Variants in SMC2 observed in about 807,000 individuals in gnomAD.
SMC2 encodes the protein structural maintenance of chromosomes protein 2.
A neutral mutation model predicts 142.6 loss-of-function variants in SMC2; 41 were observed. That is an observed-to-expected ratio of 0.29 (90% confidence interval 0.22 to 0.37). The LOEUF (loss-of-function observed/expected upper bound fraction) is 0.37. Among genes scored for constraint, SMC2 ranks in the 10% least tolerant of loss-of-function variants. The pLI, the probability that SMC2 is intolerant of heterozygous loss-of-function variation, is 1.00. For synonymous variants in SMC2, 463 were observed against 457.5 expected (o/e 1.01, Z -0.15); for missense variants, 1,265 against 1,373.7 (o/e 0.92, Z 1.25).
At chr9:104,107,869 G>C (rs1221710926) in intron 9 of SMC2, among the ~76,000 whole-genome samples, 1 of 152,190 alleles carries the variant, frequency 6.6e-6, no homozygotes, top group Admixed American at 6.5e-5. Flanking sequence ...TTGGTATGCA[G>C]TACTGCTTTC....
intron 9 of SMC2, among the ~76,000 whole-genome samples, chr9:104,108,199 G>T (rs865927643): frequency 3.3e-5 from 5 of 152,244 alleles, no homozygotes; most frequent in African/African-American, 1.2e-4. Flanking sequence ...TAGGAAAACT[G>T]GAAATATGTC....
Position 104,127,262 on chromosome 9 carries a change from TTTTC to T in SMC2, c.2596-20_2596-17del, listed in dbSNP as rs776070358. 25 of 1,520,520 alleles carry T rather than the reference TTTTC, an allele frequency of 1.6e-5. No homozygotes were observed. The highest frequency in any genetic ancestry group is 3.9e-5 in the South Asian group (3 of 76,834). 94.2% of individuals were successfully genotyped at this position (1,520,520 alleles called of 1,614,324 possible). ...TATTTACATGTTACCTCACCACATA[TTTTC>T]TTTAATTTTTTTGTTTTAGGAGTCA... On this transcript the variant is annotated intron_variant, in intron 19 of 24. Coordinates refer to ENST00000374793, the MANE Select transcript of SMC2 (RefSeq NM_006444.3).
chr9:104,094,171 G>A (rs3818625), upstream of SMC2: 209,957 of 387,012 alleles, frequency 0.54, 60,361 homozygotes, highest in African/African-American at 0.69. Flanking sequence ...TACCATTATC[G>A]AGACTCTCAT....
rs748183229 is a variant in SMC2 at position 104,129,816 on chromosome 9, A to T, written c.2962A>T (p.Met988Leu). 4.3e-6 allele frequency: 7 copies of T among 1,613,804 alleles called. No homozygotes were observed. The Admixed American group carries it at 1.2e-4, about 27-fold the overall frequency. Residue 988 changes from methionine to leucine, a missense_variant, in exon 21 of 25, where the codon ATG becomes TTG. By Grantham distance (15) the Met-to-Leu change is conservative. Coordinates refer to ENST00000374793, the MANE Select transcript of SMC2 (RefSeq NM_006444.3). ...AGGAAGAAATGTCAATATGAGAGCT[A>T]TGAATGTATTGACAGAAGCTGAAGA... ...KLGRNVNMRAMNVLTEAEERY... is the reference protein window; with the variant it reads ...KLGRNVNMRALNVLTEAEERY...
chr9:104,125,680 G>GA (rs1834190840), intron 18 of SMC2, among the ~76,000 whole-genome samples: 1 of 152,138 alleles, frequency 6.6e-6, no homozygotes, highest in South Asian at 2.1e-4. Flanking sequence ...GCACCTAAAT[G>GA]AATGTGCACT....
At chr9:104,099,452 TG>T (rs1314830904) in intron 4 of SMC2, among the ~76,000 whole-genome samples, 191 bp from the exon 5 acceptor site, 6 of 152,084 alleles carry the variant, frequency 3.9e-5, no homozygotes, top group African/African-American at 1.4e-4. Context: ...TTCCATAATT[TG>T]TATCACTGGT....
chr9:104,135,616 C>T (rs922035410), intron 23 of SMC2, among the ~76,000 whole-genome samples: 2 of 151,908 alleles, frequency 1.3e-5, no homozygotes, highest in African/African-American at 4.8e-5. Flanking sequence ...GAAACACATA[C>T]AAAATAACAA....
upstream of SMC2, among the ~76,000 whole-genome samples, chr9:104,093,988 G>A (rs571250228): frequency 6.6e-6 from 1 of 152,224 alleles, no homozygotes; most frequent in Non-Finnish European, 1.5e-5. Context: ...TGGAGAAGGC[G>A]GAGTCTGCAG....
At chr9:104,102,654 A>C in intron 9 of SMC2, 81 bp downstream of exon 9, 2 of 1,342,094 alleles carry the variant, frequency 1.5e-6, no homozygotes, top group Non-Finnish European at 2.0e-6. Flanking sequence ...TATTCCATGA[A>C]TATTTAGTGA....
At chr9:104,103,694 A>G (rs1223928113) in intron 9 of SMC2, among the ~76,000 whole-genome samples, 2 of 152,160 alleles carry the variant, frequency 1.3e-5, no homozygotes, top group African/African-American at 4.8e-5. Context: ...TTTGAGGGTG[A>G]TTCTGTTGTC....
At chr9:104,139,086 ACTTCAAGTATATCACAAAAAGTTTT>A (rs1835846851) in intron 24 of SMC2, 28 bp from the exon 25 acceptor site, 1 of 1,268,518 alleles carries the variant, frequency 7.9e-7, no homozygotes, top group African/African-American at 1.6e-5. Context: ...AAAGGAGTAA[ACTTCAAGTATATCACAAAAAGTTTT>A]TTTATACTTT....
intron 9 of SMC2, among the ~76,000 whole-genome samples, chr9:104,107,058 C>A (rs1046577280): frequency 1.3e-5 from 2 of 152,172 alleles, no homozygotes; most frequent in Non-Finnish European, 2.9e-5. Context: ...TTGGACCCTT[C>A]TAATAAGCTA....
At chr9:104,124,719 A>G (rs1834082723) in intron 17 of SMC2, among the ~76,000 whole-genome samples, 193 bp from the exon 18 acceptor site, 1 of 152,058 alleles carries the variant, frequency 6.6e-6, no homozygotes, top group Admixed American at 6.6e-5. Context: ...TTTGTTACAG[A>G]TCTTTAGATA....
intron 22 of SMC2, 150 bp downstream of exon 22, chr9:104,132,275 A>AT (rs1835064231): frequency 9.3e-6 from 5 of 537,194 alleles, no homozygotes; most frequent in South Asian, 2.7e-5. Flanking sequence ...TTTTAAATGC[A>AT]TTTTTTTCTT....
intron 9 of SMC2, among the ~76,000 whole-genome samples, chr9:104,106,668 C>T (rs146338044): frequency 6.6e-6 from 1 of 152,294 alleles, no homozygotes; most frequent in African/African-American, 2.4e-5. Flanking sequence ...GTTGGGATTA[C>T]AGGCATGAAC....
At chr9:104,098,801 T>C (rs1830775605) in intron 4 of SMC2, among the ~76,000 whole-genome samples, 2 of 151,760 alleles carry the variant, frequency 1.3e-5, no homozygotes, top group Non-Finnish European at 2.9e-5. Context: ...TGTTGACTTT[T>C]TGTTTTGTCA....
In SMC2 at chr9:104,112,251, C is replaced by CAA. The variant is rs891333385; in HGVS notation, c.1254+439_1254+440dup. On this transcript the variant is annotated intron_variant, in intron 10 of 24. Transcript: ENST00000374793. ...ACCTAGTTCTTAAAACCTTGTTTCT[C>CAA]AAACTTTACATTTTTTTAGGAAGTA... 6.6e-5 allele frequency among the ~76,000 whole-genome samples: 10 copies of CAA among 152,266 alleles called. No individual in the cohort carries two copies. The East Asian group carries it at 1.9e-3, about 29-fold the overall frequency.
chr9:104,121,549 T>C (rs1207021263), intron 16 of SMC2, among the ~76,000 whole-genome samples: 1 of 152,148 alleles, frequency 6.6e-6, no homozygotes, highest in Non-Finnish European at 1.5e-5. Flanking sequence ...CCAGTATCTC[T>C]GAAGATGACA....
intron 4 of SMC2, among the ~76,000 whole-genome samples, chr9:104,098,927 G>T (rs1587890131): frequency 6.6e-6 from 1 of 151,470 alleles, no homozygotes; most frequent in East Asian, 1.9e-4. Context: ...AATTTTCTTA[G>T]AGACTCACAC....
Sources: allele counts gnomAD v4.1 joint callset (sites outside exome capture counted in the v4.1 genomes callset), GRCh38; gene constraint gnomAD v4.1.1; transcripts MANE v1.5; gene names NCBI Gene and HGNC (gene_info 2026-07-23, HGNC 2026-07-21).